Variants in NKAIN3 observed in about 807,000 individuals in gnomAD.
NKAIN3 encodes sodium/potassium transporting ATPase interacting 3, also known as sodium/potassium-transporting ATPase subunit beta-1-interacting protein 3.
Under a neutral mutation model 30.2 loss-of-function variants are expected in NKAIN3, and 25 were observed. That is an observed-to-expected ratio of 0.83 (90% CI 0.60 to 1.16). The LOEUF (loss-of-function observed/expected upper bound fraction) is 1.16, where lower values mean the gene tolerates loss of function less well. Among genes scored for constraint, NKAIN3 ranks in the 50% most tolerant of loss-of-function variants. The probability of loss-of-function intolerance (pLI) is 0.00; values close to 1 mark genes in which losing one functional copy is unlikely to be tolerated. For synonymous variants in NKAIN3, 91 were observed against 89.6 expected (o/e 1.02, Z -0.09); for missense variants, 225 against 254.1 (o/e 0.89, Z 0.78).
chr8:62,551,655 T>C (rs1809215578), intron 1 of NKAIN3, among the ~76,000 whole-genome samples: 1 of 152,210 alleles, frequency 6.6e-6, no homozygotes, highest in Admixed American at 6.5e-5. Flanking sequence ...AAAATGAGTT[T>C]GTAATGGGTC....
At chr8:62,939,820 C>T (rs1822897780) in intron 5 of NKAIN3, among the ~76,000 whole-genome samples, 1 of 151,932 alleles carries the variant, frequency 6.6e-6, no homozygotes, top group Non-Finnish European at 1.5e-5. Context: ...ATAAATCTAA[C>T]AGGACCTATA....
At chr8:62,870,226 C>CTATATATAGATATCTATATCTATATA (rs1820564219) in intron 4 of NKAIN3, among the ~76,000 whole-genome samples, 1 of 136,632 alleles carries the variant, frequency 7.3e-6, no homozygotes, top group African/African-American at 2.6e-5. Context: ...ATATCTATAT[C>CTATATATAGATATCTATATCTATATA]TATATATAGA....
intron 4 of NKAIN3, among the ~76,000 whole-genome samples, chr8:62,815,456 A>G (rs933279816): frequency 1.3e-5 from 2 of 152,210 alleles, no homozygotes; most frequent in Non-Finnish European, 1.5e-5. Context: ...ATGAACATTG[A>G]TGCAAAAATC....
intron 1 of NKAIN3, among the ~76,000 whole-genome samples, chr8:62,287,800 C>T (rs879174339): frequency 5.9e-5 from 9 of 152,112 alleles, no homozygotes; most frequent in Admixed American, 2.6e-4. Flanking sequence ...TGATTCTAAC[C>T]TGGCTATTCT....
intron 4 of NKAIN3, among the ~76,000 whole-genome samples, chr8:62,760,164 T>G (rs1342488664): frequency 6.6e-6 from 1 of 152,150 alleles, no homozygotes; most frequent in East Asian, 1.9e-4. Flanking sequence ...AGGAACACTT[T>G]TACACTGTTG....
At chr8:62,334,952 C>T (rs1328992057) in intron 1 of NKAIN3, among the ~76,000 whole-genome samples, 3 of 151,992 alleles carry the variant, frequency 2.0e-5, no homozygotes, top group Non-Finnish European at 4.4e-5. Context: ...ATTAAAGAGA[C>T]AGGAACTGAA....
intron 1 of NKAIN3, among the ~76,000 whole-genome samples, chr8:62,501,835 A>G (rs1401991289): frequency 6.6e-6 from 1 of 152,188 alleles, no homozygotes; most frequent in Non-Finnish European, 1.5e-5. Context: ...ATAAAATCAT[A>G]AGCTTCAGTG....
intron 1 of NKAIN3, among the ~76,000 whole-genome samples, chr8:62,375,111 A>G (rs1223133988): frequency 2.0e-5 from 3 of 152,218 alleles, no homozygotes; most frequent in Non-Finnish European, 4.4e-5. Flanking sequence ...TTGAATTCAA[A>G]GTCAACCTTA....
intron 4 of NKAIN3, among the ~76,000 whole-genome samples, chr8:62,799,453 A>G (rs142343552): frequency 0.02 from 2,999 of 152,334 alleles, 98 homozygotes; most frequent in African/African-American, 0.068. Context: ...AATGCTCAAC[A>G]TCACTAATTA....
intron 1 of NKAIN3, among the ~76,000 whole-genome samples, chr8:62,311,034 C>T (rs559325462): frequency 6.6e-6 from 1 of 150,426 alleles, no homozygotes; most frequent in East Asian, 1.9e-4. Flanking sequence ...CCCTCAAATC[C>T]ATTTCACTAC....
intron 3 of NKAIN3, among the ~76,000 whole-genome samples, chr8:62,657,188 T>C (rs1812786723): frequency 6.6e-6 from 1 of 152,184 alleles, no homozygotes; most frequent in Non-Finnish European, 1.5e-5. Flanking sequence ...TATCTGAAAT[T>C]TGCCATCATT....
chr8:62,803,432 A>G (rs1476591551), intron 4 of NKAIN3, among the ~76,000 whole-genome samples: 2 of 152,230 alleles, frequency 1.3e-5, no homozygotes, highest in Non-Finnish European at 2.9e-5. Flanking sequence ...CCACAGTGCA[A>G]TCAAACTAGA....
At chr8:62,391,352 A>G (rs1301933909) in intron 1 of NKAIN3, among the ~76,000 whole-genome samples, 1 of 152,148 alleles carries the variant, frequency 6.6e-6, no homozygotes, top group African/African-American at 2.4e-5. Context: ...TAGAAGAGAT[A>G]TAAATGAACT....
At chr8:62,672,798 T>C (rs950271831) in intron 3 of NKAIN3, among the ~76,000 whole-genome samples, 3 of 152,240 alleles carry the variant, frequency 2.0e-5, no homozygotes, top group Non-Finnish European at 2.9e-5. Context: ...TATCTCTTTA[T>C]ATTCATAGTA....
chr8:62,405,082 G>A (rs905951319), intron 1 of NKAIN3, among the ~76,000 whole-genome samples: 1 of 152,184 alleles, frequency 6.6e-6, no homozygotes, highest in African/African-American at 2.4e-5. Flanking sequence ...AGGGGCCTCA[G>A]TACTCTGCCT....
intron 4 of NKAIN3, among the ~76,000 whole-genome samples, chr8:62,785,955 C>A (rs1817502813): frequency 6.6e-6 from 1 of 152,140 alleles, no homozygotes; most frequent in Non-Finnish European, 1.5e-5. Context: ...ACCCTCACAA[C>A]TGGACAGCCA....
At chr8:62,558,967 T>C (rs1345903003) in intron 1 of NKAIN3, among the ~76,000 whole-genome samples, 2 of 152,104 alleles carry the variant, frequency 1.3e-5, no homozygotes, top group Non-Finnish European at 2.9e-5. Flanking sequence ...TTGTTTAGTT[T>C]CAAAGTTTGA....
At chr8:62,615,403 C>A (rs1811421995) in intron 3 of NKAIN3, among the ~76,000 whole-genome samples, 1 of 152,094 alleles carries the variant, frequency 6.6e-6, no homozygotes, top group African/African-American at 2.4e-5. Context: ...AGGAAGGGAT[C>A]TCTTTTGGAG....
intron 5 of NKAIN3, among the ~76,000 whole-genome samples, chr8:62,929,544 CCTAA>C (rs1359120882): frequency 3.3e-5 from 5 of 152,250 alleles, no homozygotes; most frequent in African/African-American, 7.2e-5. Context: ...GTGTTTTCCT[CCTAA>C]CTGAGACAAG....
Sources: gnomAD v4.1 joint callset for allele counts (sites outside exome capture counted in the v4.1 genomes callset) on GRCh38, gnomAD v4.1.1 for gene constraint, MANE v1.5 for transcripts, NCBI Gene and HGNC (gene_info 2026-07-23, HGNC 2026-07-21) for gene names.